LAP3: variants seen among roughly 807,000 people sequenced by gnomAD.
LAP3 encodes the protein leucine aminopeptidase 3, also known as cytosol aminopeptidase.
A neutral mutation model predicts 58.8 loss-of-function variants in LAP3; 46 were observed. The ratio of observed to expected loss-of-function variants is 0.78; its 90% CI spans 0.62 to 1.00. The LOEUF (loss-of-function observed/expected upper bound fraction) is 1.00, where lower values mean the gene tolerates loss of function less well. Among genes scored for constraint, LAP3 ranks in the 50% least tolerant of loss-of-function variants. The pLI is 0.00. For synonymous variants in LAP3, 257 were observed against 237.7 expected (o/e 1.08, Z -0.75); for missense variants, 615 against 659.1 (o/e 0.93, Z 0.73).
rs1370432978 is a variant in LAP3, at chr4:17,607,621, TTAA to T, written c.*33_*35del. 1 of 1,506,470 alleles carries T rather than the reference TTAA, an allele frequency of 6.6e-7. No individual in the cohort carries two copies. The highest frequency in any genetic ancestry group is 9.0e-7 in the Non-Finnish European group (1 of 1,114,464). The allele number at this position is 1,506,470 out of a possible 1,614,324, so 93.3% of individuals were successfully genotyped here. On this transcript the variant is annotated 3_prime_UTR_variant, in exon 13 of 13. Transcript: ENST00000226299. ...TACTCAAAAATGTCTTCACTCTGTC[TTAA>T]ATTGGACAGTTGAACTTAAAAGGTT...
At chr4:17,586,603 T>C (rs1371638510) in intron 6 of LAP3, among the ~76,000 whole-genome samples, 1 of 151,968 alleles carries the variant, frequency 6.6e-6, no homozygotes, top group Non-Finnish European at 1.5e-5. Context: ...TAAGAAGGAA[T>C]AGGGAGGTAA....
chr4:17,581,497 G>A lies in LAP3; in HGVS notation c.219-263G>A, dbSNP rs146684887. ...ATTACACCTGTAATCCTAGCACCTC[G>A]GGAGGCTGAGGTGGGAGGATTGCTT... On this transcript the variant is annotated intron_variant, in intron 2 of 12. Coordinates refer to ENST00000226299, the MANE Select transcript of LAP3 (RefSeq NM_015907.3). Among the ~76,000 whole-genome samples the A allele has an allele frequency of 2.6e-3, 390 of 152,090 alleles. 2 individuals are homozygous for A. Among genetic ancestry groups the A allele is most frequent in the African/African-American group, 9.0e-3 (373 of 41,482 alleles).
At chr4:17,591,856 A>T (rs1713695514) in intron 7 of LAP3, among the ~76,000 whole-genome samples, 1 of 152,140 alleles carries the variant, frequency 6.6e-6, no homozygotes, top group Admixed American at 6.5e-5. Flanking sequence ...CTGCTCTGAG[A>T]ACAGTTGGCC....
At chr4:17,579,670 C>G (rs1278000703) in intron 1 of LAP3, among the ~76,000 whole-genome samples, 154 bp from the exon 2 acceptor site, 1 of 152,070 alleles carries the variant, frequency 6.6e-6, no homozygotes, top group African/African-American at 2.4e-5. Context: ...TGTAGCTGAC[C>G]CCAGCACCTG....
At chr4:17,604,270 C>CAAAAA (rs1188734524) in intron 10 of LAP3, among the ~76,000 whole-genome samples, 81 of 51,084 alleles carry the variant, frequency 1.6e-3, no homozygotes, top group African/African-American at 4.0e-3. Context: ...AGACCTTTCT[C>CAAAAA]AAAAAAAAAA....
chr4:17,588,337 G>A (rs1319315014), intron 6 of LAP3, among the ~76,000 whole-genome samples: 1 of 151,956 alleles, frequency 6.6e-6, no homozygotes, highest in African/African-American at 2.4e-5. Context: ...TTTAGAGACA[G>A]TTTCACTTTT....
chr4:17,605,813 A>T (rs1048727817), intron 11 of LAP3, among the ~76,000 whole-genome samples: 2 of 147,600 alleles, frequency 1.4e-5, no homozygotes, highest in Non-Finnish European at 1.5e-5. Context: ...TTTAAGCTTT[A>T]AAAAAAAAAT....
In LAP3 at chr4:17,585,073, G is replaced by T; in HGVS notation, c.641G>T (p.Arg214Ile). 2 of 1,614,058 alleles carry T rather than the reference G, an allele frequency of 1.2e-6. No homozygotes were observed. Among genetic ancestry groups the T allele is most frequent in the Non-Finnish European group, 1.7e-6 (2 of 1,179,938 alleles). Residue 214 changes from arginine to isoleucine, a missense_variant, in exon 6 of 13, where the codon AGA (arginine) becomes ATA (isoleucine). By Grantham distance (97) the Arg-to-Ile change is moderately conservative. Coordinates refer to ENST00000226299, the MANE Select transcript of LAP3 (RefSeq NM_015907.3). ...ETPANEMTPT[R>I]FAEIIEKNLK... ...CCAGCCAATGAGATGACGCCAACCAGATTTGCTGAAATTATTGAGAAGAAT... is the reference window on the plus strand; with the variant it reads ...CCAGCCAATGAGATGACGCCAACCATATTTGCTGAAATTATTGAGAAGAAT...
intron 4 of LAP3, 111 bp from the exon 5 acceptor site, chr4:17,583,372 G>C: frequency 8.7e-7 from 1 of 1,152,174 alleles, no homozygotes; most frequent in Non-Finnish European, 1.3e-6. Flanking sequence ...ATCAGGGCTG[G>C]GATTTGAACC....
chr4:17,589,674 G>A, intron 7 of LAP3, among the ~76,000 whole-genome samples: 1 of 152,088 alleles, frequency 6.6e-6, no homozygotes, highest in South Asian at 2.1e-4. Flanking sequence ...TGCCCAAACT[G>A]GTCTTAAACT....
At position 17,607,524 on chromosome 4, in the gene LAP3, A is replaced by G. The variant is rs757058399; in HGVS notation, c.1495A>G (p.Met499Val). 1.2e-6 allele frequency: 2 copies of G among 1,614,138 alleles called. No individual in the cohort carries two copies. The highest frequency in any genetic ancestry group is 3.3e-5 in the Admixed American group (2 of 59,974). The change falls in exon 13 of 13, where the codon ATG becomes GTG. Residue 499 changes from methionine (M) to valine (V), a missense_variant. Transcript: ENST00000226299. ...TGAAGTTCCCTATCTACGGAAAGGC[A>G]TGACTGGGAGGCCCACAAGGACTCT... ...KDEVPYLRKG[M>V]TGRPTRTLIE...
At chr4:17,581,107 C>T (rs148651501) in intron 2 of LAP3, among the ~76,000 whole-genome samples, 221 of 152,290 alleles carry the variant, frequency 1.5e-3, no homozygotes, top group Non-Finnish European at 1.4e-3. Flanking sequence ...ATCTGTGCTA[C>T]GGGCCTCTTA....
At chr4:17,577,898 C>T (rs1300335326) in intron 1 of LAP3, among the ~76,000 whole-genome samples, 1 of 152,176 alleles carries the variant, frequency 6.6e-6, no homozygotes, top group Non-Finnish European at 1.5e-5. Flanking sequence ...GGCTCCCATC[C>T]GAGCTTGGAG....
intron 5 of LAP3, among the ~76,000 whole-genome samples, chr4:17,584,149 T>G (rs1223089377): frequency 6.6e-6 from 1 of 152,150 alleles, no homozygotes; most frequent in Admixed American, 6.5e-5. Flanking sequence ...TGGCCAAGGG[T>G]TGGCAGCTGT....
intron 7 of LAP3, among the ~76,000 whole-genome samples, chr4:17,592,605 G>A (rs1713715108): frequency 6.6e-6 from 1 of 152,218 alleles, no homozygotes; most frequent in Non-Finnish European, 1.5e-5. Context: ...TATAATAACT[G>A]AGTGTTTAAC....
In LAP3 at chr4:17,596,847, A is replaced by G. The variant is rs772341464; in HGVS notation, c.989-199A>G. Among the ~76,000 whole-genome samples, 100 of 152,242 alleles carry G rather than the reference A, an allele frequency of 6.6e-4. 1 individual carries two copies. The highest frequency in any genetic ancestry group is 6.8e-4 in the Non-Finnish European group (46 of 68,040). On this transcript the variant is annotated intron_variant, in intron 8 of 12. Transcript: ENST00000226299. ...AGAATCAAGTTAGACTTCTTTGGGA[A>G]GAATGCTACATGGGTGATGTGTACT...
At chr4:17,596,766 G>A (rs1713841121) in intron 8 of LAP3, among the ~76,000 whole-genome samples, 1 of 152,172 alleles carries the variant, frequency 6.6e-6, no homozygotes, top group South Asian at 2.1e-4. Context: ...GAAGGGTCTA[G>A]GCTTGTTTCA....
chr4:17,582,530 A>C (rs762958303), intron 4 of LAP3, 137 bp downstream of exon 4: 6 of 661,332 alleles, frequency 9.1e-6, no homozygotes, highest in South Asian at 1.9e-5. Context: ...ACAAAAATTC[A>C]GTTCCTCTTG....
At position 17,595,530 on chromosome 4, in the gene LAP3, T is replaced by C. The variant is rs757284345; in HGVS notation, c.984T>C (p.Ile328=). The C allele has an allele frequency of 9.4e-5, 151 of 1,613,678 alleles. No homozygotes were observed. The highest frequency in any genetic ancestry group is 1.2e-4 in the Non-Finnish European group (147 of 1,179,828). The stretch of plus-strand genomic sequence containing the variant: ...CAAAGCTTAATTTGCCCATTAATAT[T>C]ATAGGTAAGTGGGGTAACGGATTAC... ...SAAKLNLPIN[I]IGLAPLCENM... Residue 328 remains isoleucine (I), a synonymous_variant, in exon 8 of 13, where the codon ATT becomes ATC. Transcript: ENST00000226299.
Sources: gnomAD v4.1 joint callset for allele counts (sites outside exome capture counted in the v4.1 genomes callset) on GRCh38, gnomAD v4.1.1 for gene constraint, MANE v1.5 for transcripts, NCBI Gene and HGNC (gene_info 2026-07-23, HGNC 2026-07-21) for gene names.